The following UBXN11 variants were observed in gnomAD, a reference collection of about 807,000 sequenced individuals.
UBXN11 encodes the protein UBX domain protein 11.
In UBXN11, 47 loss-of-function variants were observed where a neutral mutation model predicts 62.8. The ratio of observed to expected loss-of-function variants is 0.75; its 90% CI spans 0.59 to 0.95. UBXN11 has a LOEUF of 0.95. Among genes scored for constraint, UBXN11 ranks in the 40% least tolerant of loss-of-function variants. The pLI is 0.00. For missense variants in UBXN11, 638 were observed against 661.7 expected, an observed-to-expected ratio of 0.96 and a Z score of 0.39; for synonymous variants, 294 against 267.0, an observed-to-expected ratio of 1.10 and a Z score of -0.99.
chr1:26,314,633 C>T (rs1023334228), intron 1 of UBXN11, among the ~76,000 whole-genome samples: 1 of 152,044 alleles, frequency 6.6e-6, no homozygotes, highest in African/African-American at 2.4e-5. Flanking sequence ...TGAATACACG[C>T]ACTCATTCTT....
chr1:26,282,634 C>G lies in UBXN11; in HGVS notation c.1292+15G>C. The G allele has an allele frequency of 6.2e-7, 1 of 1,613,790 alleles. No individual in the cohort carries two copies. Among genetic ancestry groups the G allele is most frequent in the Non-Finnish European group, 8.5e-7 (1 of 1,179,924 alleles). ...CCAGAGCCCCTCTGTGGCCCTGGCC[C>G]TGCCCTGCACCCACCTGGCCTGCGC... On this transcript the variant is annotated intron_variant, in intron 14 of 14. Coordinates refer to ENST00000374222, the MANE Select transcript of UBXN11 (RefSeq NM_001389556.1).
chr1:26,284,944 C>T (rs925627151), intron 10 of UBXN11: 2 of 1,002,084 alleles, frequency 2.0e-6, no homozygotes, highest in African/African-American at 1.7e-5. Context: ...CCTGGTGACA[C>T]ATGCTCCCTC....
Position 26,296,974 on chromosome 1 carries a change from T to C in UBXN11, c.377A>G (p.Gln126Arg), listed in dbSNP as rs751764549. ...CACACACATCGTCTCCAGTTCCTCC[T>C]GCCGCTGCAGGGTTGCCTCGGCTTC... ...PHPAEATLQR[Q>R]EELETMCVQL... The change falls in exon 7 of 15, where the codon CAG becomes CGG. Residue 126 changes from glutamine to arginine, a missense_variant. Transcript: ENST00000374222. 1.1e-5 allele frequency: 17 copies of C among 1,605,602 alleles called. No homozygotes were observed. The highest frequency in any genetic ancestry group is 1.4e-5 in the Non-Finnish European group (16 of 1,175,850).
chr1:26,283,741 G>C lies in UBXN11; in HGVS notation c.1077+401C>G, dbSNP rs115573047. ...GAGGAGGCCTGAGAAACTAAGGTTT[G>C]GTGCCTTTCACAGGTGGACACCTAG... On this transcript the variant is annotated intron_variant, in intron 12 of 14. Coordinates refer to ENST00000374222, the MANE Select transcript of UBXN11 (RefSeq NM_001389556.1). 2.2e-3 allele frequency among the ~76,000 whole-genome samples: 340 copies of C among 152,302 alleles called. 2 individuals carry two copies. Among genetic ancestry groups the C allele is most frequent in the African/African-American group, 7.1e-3 (294 of 41,558 alleles).
At chr1:26,298,701 C>T (rs1415675638) in intron 4 of UBXN11, among the ~76,000 whole-genome samples, 1 of 149,052 alleles carries the variant, frequency 6.7e-6, no homozygotes, top group Non-Finnish European at 1.5e-5. Context: ...CGCTTGAACC[C>T]AGGAGGCGGA....
intron 7 of UBXN11, among the ~76,000 whole-genome samples, chr1:26,295,456 CT>C (rs1165506748): frequency 6.6e-6 from 1 of 152,176 alleles, no homozygotes; most frequent in Admixed American, 6.5e-5. Context: ...CTTCCAATGG[CT>C]TCCCATTTTT....
rs142329628 is a variant in UBXN11 at position 26,283,855 on chromosome 1, G to A, written c.1077+287C>T. Among the ~76,000 whole-genome samples, 97 of 152,344 alleles carry A rather than the reference G, an allele frequency of 6.4e-4. 1 individual carries two copies. Among genetic ancestry groups the A allele is most frequent in the African/African-American group, 2.2e-3 (93 of 41,570 alleles). On this transcript the variant is annotated intron_variant, in intron 12 of 14. Coordinates refer to ENST00000374222, the MANE Select transcript of UBXN11 (RefSeq NM_001389556.1). ...CCACGAAGGGAGTACCCAGTACTGA[G>A]TTGGATATTTTGGCCTAGACCTTGA...
chr1:26,298,015 A>G lies in UBXN11; in HGVS notation c.247T>C (p.Leu83=). The G allele has an allele frequency of 6.2e-7, 1 of 1,613,878 alleles. No homozygotes were observed. Among genetic ancestry groups the G allele is most frequent in the Non-Finnish European group, 8.5e-7 (1 of 1,179,934 alleles). ...SELMAFMTRK[L]WDLEQQVKAQ... The stretch of plus-strand genomic sequence containing the variant: ...TTCACCTGCTGCTCCAGGTCCCACA[A>G]CTTCCTCGTCATGAAGGCCATCAGC... Residue 83 remains leucine, a synonymous_variant, in exon 5 of 15, where the codon TTG becomes CTG. Transcript: ENST00000374222.
intron 7 of UBXN11, among the ~76,000 whole-genome samples, chr1:26,295,982 G>C (rs2124655687): frequency 6.6e-6 from 1 of 152,366 alleles, no homozygotes; most frequent in Admixed American, 6.5e-5. Context: ...ACTGCTCGGG[G>C]ACAACCCCAG....
At chr1:26,283,677 G>A (rs2124631343) in intron 12 of UBXN11, among the ~76,000 whole-genome samples, 1 of 152,262 alleles carries the variant, frequency 6.6e-6, no homozygotes, top group Admixed American at 6.5e-5. Context: ...GGGGTGGACA[G>A]ACCAGACAGG....
chr1:26,308,314 A>G, upstream of UBXN11, among the ~76,000 whole-genome samples: 1 of 152,176 alleles, frequency 6.6e-6, no homozygotes, highest in East Asian at 1.9e-4. Flanking sequence ...ACAGATGAGA[A>G]AACAAGCTCA....
At chr1:26,293,553 C>T (rs2073322913) in intron 8 of UBXN11, among the ~76,000 whole-genome samples, 1 of 151,776 alleles carries the variant, frequency 6.6e-6, no homozygotes, top group African/African-American at 2.4e-5. Flanking sequence ...TGGTAAAACC[C>T]CGTCTTTACT....
chr1:26,286,174 G>A (rs995755357), intron 8 of UBXN11, 137 bp from the exon 9 acceptor site: 16 of 693,556 alleles, frequency 2.3e-5, no homozygotes, highest in South Asian at 1.5e-4. Context: ...AAAGGACAAC[G>A]CTAGATAATA....
chr1:26,283,114 G>C (rs1314232396), intron 12 of UBXN11, among the ~76,000 whole-genome samples, 177 bp from the exon 13 acceptor site: 3 of 152,134 alleles, frequency 2.0e-5, no homozygotes, highest in Non-Finnish European at 4.4e-5. Context: ...AGAAGGTTCT[G>C]GGAGGCAGCC....
upstream of UBXN11, among the ~76,000 whole-genome samples, chr1:26,311,041 G>T (rs2073739775): frequency 6.6e-6 from 1 of 152,172 alleles, no homozygotes; most frequent in Non-Finnish European, 1.5e-5. Context: ...CTGGGAGGAG[G>T]GAGGTCTTGA....
chr1:26,285,532 G>C lies in UBXN11; in HGVS notation c.784C>G (p.Arg262Gly). 3 of 1,587,684 alleles carry C rather than the reference G, an allele frequency of 1.9e-6. No homozygotes were observed. In the African/African-American group the frequency reaches 4.0e-5, roughly 21 times the overall value. ...GGAAAGAAGCCATCCAATATGTCTC[G>C]GAGGCAGCGCTGCAAGGGAAGAGGA... is the stretch of plus-strand genomic sequence containing the variant. Reference protein sequence around the residue: ...FYDPSTQRCLRDILDGFFPSE... With the variant: ...FYDPSTQRCLGDILDGFFPSE... Residue 262 changes from arginine to glycine, a missense_variant, in exon 10 of 15, where the codon CGA becomes GGA. By Grantham distance (125) the Arg-to-Gly change is moderately radical (BLOSUM62 -2). Transcript: ENST00000374222.
At chr1:26,318,122 A>T in exon 1 of UBXN11, 3 of 1,514,906 alleles carry the variant, frequency 2.0e-6, no homozygotes, top group Non-Finnish European at 2.8e-6. Context: ...GTTGCTTGGC[A>T]TGGAGGGAGG....
At chr1:26,285,287 G>A (rs1038203565) in intron 10 of UBXN11, 177 bp downstream of exon 10, 18 of 1,399,700 alleles carry the variant, frequency 1.3e-5, no homozygotes, top group Middle Eastern at 2.6e-4. Flanking sequence ...GCTCTGTTTC[G>A]GGCCTCTCCG....
At chr1:26,304,889 C>T (rs910256034) in intron 1 of UBXN11, among the ~76,000 whole-genome samples, 2 of 151,012 alleles carry the variant, frequency 1.3e-5, no homozygotes, top group Non-Finnish European at 3.0e-5. Flanking sequence ...GTGTATCCCC[C>T]CTGCCTCAAC....
Sources: allele counts gnomAD v4.1 joint callset (sites outside exome capture counted in the v4.1 genomes callset), GRCh38; gene constraint gnomAD v4.1.1; transcripts MANE v1.5; gene names NCBI Gene and HGNC (gene_info 2026-07-23, HGNC 2026-07-21).